TP53BP2: variants seen among roughly 807,000 people sequenced by gnomAD.
TP53BP2 encodes apoptosis-stimulating of p53 protein 2.
Under a neutral mutation model 126.2 loss-of-function variants are expected in TP53BP2, and 62 were observed. The ratio of observed to expected loss-of-function variants is 0.49; its 90% CI spans 0.40 to 0.61. TP53BP2 has a LOEUF of 0.61. Ranked by LOEUF, TP53BP2 falls within the 20% of genes least tolerant of loss-of-function variation. The pLI is 0.00. For missense variants in TP53BP2, 1,215 were observed against 1,402.8 expected, an observed-to-expected ratio of 0.87 and a Z score of 2.14; for synonymous variants, 485 against 502.9, an observed-to-expected ratio of 0.96 and a Z score of 0.48.
At chr1:223,828,814 C>T (rs190780554) in intron 1 of TP53BP2, among the ~76,000 whole-genome samples, 2 of 152,018 alleles carry the variant, frequency 1.3e-5, no homozygotes, top group East Asian at 3.9e-4. Flanking sequence ...TGATAACTGC[C>T]AAGAACTGAG....
intron 1 of TP53BP2, among the ~76,000 whole-genome samples, chr1:223,836,240 G>A (rs893182647): frequency 2.0e-5 from 3 of 152,196 alleles, no homozygotes; most frequent in South Asian, 2.1e-4. Flanking sequence ...AGCGGAGCAC[G>A]TCATGGAGGG....
rs1571844485 is a variant in TP53BP2, at chr1:223,795,902, T to C, written c.2637A>G (p.Pro879=). 5 of 1,588,660 alleles carry C rather than the reference T, an allele frequency of 3.1e-6. No individual in the cohort carries two copies. Among genetic ancestry groups the C allele is most frequent in the Non-Finnish European group, 4.3e-6 (5 of 1,161,822 alleles). ...LEEYPPYPPP[P]YPSGEPEGPG... ...GCCCTTCAGGCTCCCCAGATGGGTA[T>C]GGTGGGGGTGGGTATGGAGGGTACT... Residue 879 remains proline (P), a synonymous_variant, in exon 13 of 18, where the codon CCA becomes CCG. Transcript: ENST00000343537.
chr1:223,792,542 G>A lies in TP53BP2; in HGVS notation c.2863-20C>T. On this transcript the variant is annotated intron_variant, in intron 14 of 17. Coordinates refer to ENST00000343537, the MANE Select transcript of TP53BP2 (RefSeq NM_001031685.3). ...ATCAACCTATATCAAGAAGAAGGGT[G>A]AGCATCACTCTAGTTTCTTGTCACC... 6.2e-7 allele frequency: 1 copy of A among 1,612,924 alleles called. No individual in the cohort carries two copies. Among genetic ancestry groups the A allele is most frequent in the Non-Finnish European group, 8.5e-7 (1 of 1,179,226 alleles).
chr1:223,845,801 A>AGCG lies in TP53BP2; in HGVS notation c.-124_-122dup, dbSNP rs1400014266. 3 of 996,582 alleles carry AGCG rather than the reference A, an allele frequency of 3.0e-6. No homozygotes were observed. The highest frequency in any genetic ancestry group is 3.8e-6 in the Non-Finnish European group (3 of 781,166). 61.7% of individuals were successfully genotyped at this position (996,582 alleles called of 1,614,324 possible). A position where few individuals can be genotyped will look rare whatever the true frequency, so the allele number is the denominator to read the frequency against. Reference sequence around the variant, plus strand: ...CCTGTTGCGAGGCGGCGGCGGCGGCAGCGGCGGCGCGCGGGTCCGAAGGGC... The same window carrying AGCG: ...CCTGTTGCGAGGCGGCGGCGGCGGCAGCGGCGGCGGCGCGCGGGTCCGAAGGGC... On this transcript the variant is annotated 5_prime_UTR_variant, in exon 1 of 18. Coordinates refer to ENST00000343537, the MANE Select transcript of TP53BP2 (RefSeq NM_001031685.3).
chr1:223,815,808 CA>C (rs1398760261), intron 2 of TP53BP2, among the ~76,000 whole-genome samples: 1 of 126,686 alleles, frequency 7.9e-6, no homozygotes, highest in Non-Finnish European at 1.6e-5. Context: ...TTTAGATACA[CA>C]AATATGTACC....
chr1:223,795,240 T>C (rs920270205), intron 13 of TP53BP2, among the ~76,000 whole-genome samples: 1 of 152,168 alleles, frequency 6.6e-6, no homozygotes, highest in East Asian at 1.9e-4. Context: ...ATCACCATAT[T>C]AGCCAGAGAT....
At chr1:223,835,338 T>C (rs1160402873) in intron 1 of TP53BP2, among the ~76,000 whole-genome samples, 1 of 152,236 alleles carries the variant, frequency 6.6e-6, no homozygotes, top group African/African-American at 2.4e-5. Flanking sequence ...GCAACTCATC[T>C]TAGGTTACTC....
rs2102853007 is a variant in TP53BP2, at chr1:223,802,335, C to T, written c.1006G>A (p.Asp336Asn). ...QQKENLPVSS[D>N]GNLPQQAASA... ...GCGGCTTGCTGGGGAAGATTTCCATCAGATGAAACCTTAGGAAAGAAGCAC... is the reference window on the plus strand; with the variant it reads ...GCGGCTTGCTGGGGAAGATTTCCATTAGATGAAACCTTAGGAAAGAAGCAC... The change falls in exon 9 of 18, where the codon GAT becomes AAT. Residue 336 changes from aspartate (D) to asparagine (N), a missense_variant. Physicochemically the swap from Asp to Asn is conservative, Grantham distance 23 (BLOSUM62 1). Around this residue, in one of 4 missense-constraint regions of TP53BP2, gnomAD observed 814 missense variants for 853.0 expected, o/e 0.95. Coordinates refer to ENST00000343537, the MANE Select transcript of TP53BP2 (RefSeq NM_001031685.3). 6.2e-6 allele frequency: 10 copies of T among 1,613,962 alleles called. No individual in the cohort carries two copies. Among genetic ancestry groups the T allele is most frequent in the Non-Finnish European group, 8.5e-6 (10 of 1,179,958 alleles).
rs1407489944 is a variant in TP53BP2, at chr1:223,845,835, C to A, written c.-155G>T. 3 of 556,698 alleles carry A rather than the reference C, an allele frequency of 5.4e-6. No individual in the cohort carries two copies. Among genetic ancestry groups the A allele is most frequent in the Non-Finnish European group, 7.8e-6 (3 of 384,836 alleles). The allele number at this position is 556,698 out of a possible 1,614,324, so 34.5% of individuals were successfully genotyped here. ...GCGCGGGTCCGAAGGGCCCTCCGCGCGGGCTGGGGCACCAACAAGCCCCGG... is the reference window on the plus strand; with the variant it reads ...GCGCGGGTCCGAAGGGCCCTCCGCGAGGGCTGGGGCACCAACAAGCCCCGG... On this transcript the variant is annotated 5_prime_UTR_variant, in exon 1 of 18. Transcript: ENST00000343537.
At chr1:223,823,965 G>A (rs1188136144) in intron 1 of TP53BP2, among the ~76,000 whole-genome samples, 1 of 152,178 alleles carries the variant, frequency 6.6e-6, no homozygotes, top group Admixed American at 6.5e-5. Context: ...AGCCTATTAT[G>A]TAAGATAGCA....
chr1:223,803,513 C>T (rs1662607042), intron 6 of TP53BP2, 61 bp from the exon 7 acceptor site: 1 of 1,479,114 alleles, frequency 6.8e-7, no homozygotes, highest in Non-Finnish European at 9.1e-7. Context: ...GACTACTTCC[C>T]AGGCAACCGG....
At chr1:223,786,480 A>C (rs1003073104) in intron 16 of TP53BP2, among the ~76,000 whole-genome samples, 4 of 152,218 alleles carry the variant, frequency 2.6e-5, no homozygotes, top group African/African-American at 9.7e-5. Context: ...ATGTTTAAAA[A>C]AATCATATTC....
In TP53BP2 at chr1:223,839,921, T is replaced by C. The variant is rs10915854; in HGVS notation, c.27+5733A>G. Among the ~76,000 whole-genome samples the C allele has an allele frequency of 9.6e-3, 1,463 of 152,002 alleles. 19 individuals carry two copies. Among genetic ancestry groups the C allele is most frequent in the African/African-American group, 0.033 (1,384 of 41,352 alleles). On this transcript the variant is annotated intron_variant, in intron 1 of 17. Transcript: ENST00000343537. ...CGCCACTGCACTCCAGCCTGGGTGA[T>C]AGAGCAAGACTCTGTCTAAAAAAAA...
rs1242810668 is a variant in TP53BP2, at chr1:223,829,771, T to C, written c.28-8404A>G. Among the ~76,000 whole-genome samples, 3 of 150,728 alleles carry C rather than the reference T, an allele frequency of 2.0e-5. No homozygotes were observed. In the East Asian group the frequency reaches 5.9e-4, roughly 29 times the overall value. On this transcript the variant is annotated intron_variant, in intron 1 of 17. Coordinates refer to ENST00000343537, the MANE Select transcript of TP53BP2 (RefSeq NM_001031685.3). ...AAAACAGCTGTTACAGATTTACCCA[T>C]ACTACAAGGACAGCAAATTGCTGGG...
intron 1 of TP53BP2, 48 bp downstream of exon 1, chr1:223,845,606 G>T: frequency 6.6e-7 from 1 of 1,521,592 alleles, no homozygotes; most frequent in South Asian, 1.2e-5. Flanking sequence ...CCCGGCACGC[G>T]ACCCCGCACA....
At position 223,828,235 on chromosome 1, in the gene TP53BP2, CAT is replaced by C. The variant is rs151264143; in HGVS notation, c.28-6870_28-6869del. On this transcript the variant is annotated intron_variant, in intron 1 of 17. Coordinates refer to ENST00000343537, the MANE Select transcript of TP53BP2 (RefSeq NM_001031685.3). ...TTTTATTAAAAATATTTCAGTTACA[CAT>C]GTTTTGTTATAAAACAGTGCTCACT... 6.6e-3 allele frequency among the ~76,000 whole-genome samples: 1,002 copies of C among 152,248 alleles called. 4 individuals are homozygous for C. Among genetic ancestry groups the C allele is most frequent in the Non-Finnish European group, 0.011 (719 of 67,998 alleles).
chr1:223,787,909 A>G (rs766853592), intron 16 of TP53BP2, among the ~76,000 whole-genome samples: 20 of 151,812 alleles, frequency 1.3e-4, no homozygotes, highest in Non-Finnish European at 1.9e-4. Context: ...TAAATAGATA[A>G]TAATTAAAAA....
At chr1:223,840,033 T>C (rs1184743082) in intron 1 of TP53BP2, among the ~76,000 whole-genome samples, 1 of 152,234 alleles carries the variant, frequency 6.6e-6, no homozygotes, top group African/African-American at 2.4e-5. Context: ...AATAAATAAT[T>C]TGTTTTCGAG....
chr1:223,838,348 A>C (rs1663990415), intron 1 of TP53BP2, among the ~76,000 whole-genome samples: 1 of 152,190 alleles, frequency 6.6e-6, no homozygotes, highest in Admixed American at 6.5e-5. Context: ...TTAAATGGTT[A>C]ATGAGGGAGA....
Sources: allele counts gnomAD v4.1 joint callset (sites outside exome capture counted in the v4.1 genomes callset), GRCh38; gene constraint gnomAD v4.1.1; regional missense constraint gnomAD v4.1.1; transcripts MANE v1.5; gene names NCBI Gene and HGNC (gene_info 2026-07-23, HGNC 2026-07-21).